Variants in KSR1 observed in about 807,000 individuals in gnomAD.
KSR1 encodes kinase suppressor of ras.
A neutral mutation model predicts 92.9 loss-of-function variants in KSR1; 35 were observed. That is an observed-to-expected ratio of 0.38 (90% CI 0.29 to 0.50). The LOEUF (loss-of-function observed/expected upper bound fraction) is 0.50. Among genes scored for constraint, KSR1 ranks in the 20% least tolerant of loss-of-function variants. The probability of loss-of-function intolerance (pLI) is 0.94; values close to 1 mark genes in which losing one functional copy is unlikely to be tolerated. For missense variants in KSR1, 972 were observed against 1,158.5 expected, an observed-to-expected ratio of 0.84 and a Z score of 2.34; for synonymous variants, 467 against 472.6, an observed-to-expected ratio of 0.99 and a Z score of 0.15.
chr17:27,462,539 T>C (rs1293027333), intron 1 of KSR1, among the ~76,000 whole-genome samples: 2 of 152,214 alleles, frequency 1.3e-5, no homozygotes, highest in African/African-American at 2.4e-5. Flanking sequence ...AGCACCATGA[T>C]GCAGCCCGCT....
intron 16 of KSR1, 80 bp downstream of exon 16, chr17:27,609,409 G>A (rs777673214): frequency 5.1e-6 from 8 of 1,563,352 alleles, no homozygotes; most frequent in Admixed American, 1.7e-5. Context: ...CACTTTCACT[G>A]TTTGTTGCTG....
chr17:27,588,237 T>G (rs569672064), intron 5 of KSR1: 2 of 335,200 alleles, frequency 6.0e-6, no homozygotes, highest in Non-Finnish European at 5.5e-6. Context: ...GGCAGCTGAC[T>G]GAGCCATCCT....
chr17:27,475,469 C>T (rs943334962), intron 1 of KSR1, among the ~76,000 whole-genome samples: 8 of 152,152 alleles, frequency 5.3e-5, no homozygotes, highest in South Asian at 2.1e-4. Context: ...GGTGACAGAG[C>T]GCTGGCCCGG....
chr17:27,558,715 T>C (rs1328455502), intron 2 of KSR1, among the ~76,000 whole-genome samples: 3 of 152,010 alleles, frequency 2.0e-5, no homozygotes, highest in African/African-American at 7.2e-5. Context: ...TTTTTTTTTT[T>C]TTCTTTGGAA....
chr17:27,613,180 CT>C lies in KSR1; in HGVS notation c.2493+1553del. ...GGGCAAGGGCCATGGGTGATGAGCA[CT>C]TCTCTGACACTCTGAGGCCCGTCCT... On this transcript the variant is annotated intron_variant, in intron 18 of 20. Coordinates refer to ENST00000644974, the MANE Select transcript of KSR1 (RefSeq NM_001394583.1). 1.3e-5 allele frequency: 2 copies of C among 152,642 alleles called. 1 individual carries two copies. Among genetic ancestry groups the C allele is most frequent in the Non-Finnish European group, 2.9e-5 (2 of 68,078 alleles). The allele number at this position is 152,642 out of a possible 1,614,324, so 9.5% of individuals were successfully genotyped here.
intron 12 of KSR1, among the ~76,000 whole-genome samples, 169 bp from the exon 13 acceptor site, chr17:27,604,511 C>G (rs2073682032): frequency 6.6e-6 from 1 of 152,234 alleles, no homozygotes; most frequent in African/African-American, 2.4e-5. Context: ...AGGGGCAGGT[C>G]TGGCCCTCAG....
In KSR1 at chr17:27,582,848, C is replaced by A. The variant is rs1412581373; in HGVS notation, c.723C>A (p.Pro241=). The part of the protein sequence containing the change: ...SALPASDSPT[P]SFSEGLSDTC... ...TGCCCGCCTCAGACTCCCCCACCCC[C>A]AGCTTCAGTGAGGGCCTCTCAGACA... Residue 241 remains proline, a synonymous_variant, in exon 4 of 21, where the codon CCC becomes CCA. Transcript: ENST00000644974. The A allele has an allele frequency of 6.2e-7, 1 of 1,613,504 alleles. No individual in the cohort carries two copies. The highest frequency in any genetic ancestry group is 1.1e-5 in the South Asian group (1 of 91,048).
chr17:27,624,581 T>G lies in KSR1; in HGVS notation c.*1189T>G, dbSNP rs1309526592. 1 of 152,204 alleles carries G rather than the reference T, an allele frequency of 6.6e-6. No individual in the cohort carries two copies. The highest frequency in any genetic ancestry group is 2.4e-5 in the African/African-American group (1 of 41,436). The allele number at this position is 152,204 out of a possible 1,614,324, so 9.4% of individuals were successfully genotyped here. On this transcript the variant is annotated 3_prime_UTR_variant, in exon 21 of 21. Coordinates refer to ENST00000644974, the MANE Select transcript of KSR1 (RefSeq NM_001394583.1). ...GAGGGGCTGGATTTGGAAAAGTCTT[T>G]GAAGTGAGAGCACCACGCTTGTCTT...
At chr17:27,610,642 T>G (rs2073889559) in intron 17 of KSR1, among the ~76,000 whole-genome samples, 1 of 152,168 alleles carries the variant, frequency 6.6e-6, no homozygotes, top group Admixed American at 6.5e-5. Flanking sequence ...GATATAGAAG[T>G]TAAAGTTTTC....
intron 1 of KSR1, among the ~76,000 whole-genome samples, chr17:27,510,074 G>A (rs1004112619): frequency 6.6e-5 from 10 of 152,192 alleles, no homozygotes; most frequent in South Asian, 2.1e-4. Flanking sequence ...TGGGAACTGG[G>A]GAATCTCTCT....
At position 27,626,348 on chromosome 17, in the gene KSR1, G is replaced by A. The variant is rs995902703; in HGVS notation, c.*2956G>A. The A allele has an allele frequency of 6.6e-6, 1 of 152,184 alleles. No homozygotes were observed. The highest frequency in any genetic ancestry group is 1.9e-4 in the East Asian group (1 of 5,192). 9.4% of individuals were successfully genotyped at this position (152,184 alleles called of 1,614,324 possible). ...TTAGTATTAACAAACATGCTGTATCGGGTTTTTTTGCCACTGGCAAGAACA... is the reference window on the plus strand; with the variant it reads ...TTAGTATTAACAAACATGCTGTATCAGGTTTTTTTGCCACTGGCAAGAACA... On this transcript the variant is annotated 3_prime_UTR_variant, in exon 21 of 21. Coordinates refer to ENST00000644974, the MANE Select transcript of KSR1 (RefSeq NM_001394583.1).
intron 9 of KSR1, among the ~76,000 whole-genome samples, chr17:27,596,670 C>T (rs1189940216): frequency 1.3e-5 from 2 of 152,236 alleles, no homozygotes; most frequent in African/African-American, 4.8e-5. Flanking sequence ...TCTAAGACTT[C>T]ACAGTGCCTT....
Position 27,549,594 on chromosome 17 carries a change from G to C in KSR1, c.232-974G>C, listed in dbSNP as rs2071317590. On this transcript the variant is annotated intron_variant, in intron 1 of 20. Coordinates refer to ENST00000644974, the MANE Select transcript of KSR1 (RefSeq NM_001394583.1). ...TTAGCCATTTGCGAGTCTTTTGAAA[G>C]CTTTGGACAATAACTCTAGAAAATA... Among the ~76,000 whole-genome samples, 4 of 152,324 alleles carry C rather than the reference G, an allele frequency of 2.6e-5. No homozygotes were observed. In the South Asian group the frequency reaches 8.3e-4, roughly 32 times the overall value.
At chr17:27,507,020 A>G (rs1431862145) in intron 1 of KSR1, among the ~76,000 whole-genome samples, 2 of 152,286 alleles carry the variant, frequency 1.3e-5, no homozygotes, top group East Asian at 1.9e-4. Context: ...GCTTTTTCCA[A>G]TGCGGTAGCC....
chr17:27,517,132 C>T (rs1016978600), intron 1 of KSR1, among the ~76,000 whole-genome samples: 1 of 152,086 alleles, frequency 6.6e-6, no homozygotes, highest in African/African-American at 2.4e-5. Context: ...ATTTTCTGAT[C>T]CTGAAAAGAT....
At chr17:27,604,306 A>C (rs957003802) in intron 12 of KSR1, among the ~76,000 whole-genome samples, 15 of 152,186 alleles carry the variant, frequency 9.9e-5, no homozygotes, top group Non-Finnish European at 5.9e-5. Flanking sequence ...GAGGTTAAGA[A>C]ATTACATAAG....
chr17:27,475,043 G>A (rs1338402102), intron 1 of KSR1, among the ~76,000 whole-genome samples: 1 of 152,230 alleles, frequency 6.6e-6, no homozygotes, highest in Non-Finnish European at 1.5e-5. Flanking sequence ...TGGGTTTGCA[G>A]AGGAGGTGAT....
At chr17:27,494,737 A>G (rs924440758) in intron 1 of KSR1, among the ~76,000 whole-genome samples, 3 of 152,228 alleles carry the variant, frequency 2.0e-5, no homozygotes, top group Non-Finnish European at 4.4e-5. Flanking sequence ...CTGTTTCCCA[A>G]TCAGCCTGGC....
In KSR1 at chr17:27,623,487, C is replaced by T; in HGVS notation, c.*95C>T. Reference sequence around the variant, plus strand: ...ACCACGACAAAAAAACACTGCCTGCCCAGCGCTGCAAACCAGGAGCACACG... The same window carrying T: ...ACCACGACAAAAAAACACTGCCTGCTCAGCGCTGCAAACCAGGAGCACACG... On this transcript the variant is annotated 3_prime_UTR_variant, in exon 21 of 21. Coordinates refer to ENST00000644974, the MANE Select transcript of KSR1 (RefSeq NM_001394583.1). 1 of 700,544 alleles carries T rather than the reference C, an allele frequency of 1.4e-6. No homozygotes were observed. Among genetic ancestry groups the T allele is most frequent in the Non-Finnish European group, 2.6e-6 (1 of 384,774 alleles). The allele number at this position is 700,544 out of a possible 1,614,324, so 43.4% of individuals were successfully genotyped here.
Sources: gnomAD v4.1 joint callset for allele counts (sites outside exome capture counted in the v4.1 genomes callset) on GRCh38, gnomAD v4.1.1 for gene constraint, MANE v1.5 for transcripts, NCBI Gene and HGNC (gene_info 2026-07-23, HGNC 2026-07-21) for gene names.